The following ZFAT variants were observed in gnomAD, a reference collection of about 807,000 sequenced individuals.
ZFAT encodes the protein zinc finger protein ZFAT.
ZFAT carries 64 observed loss-of-function variants against 117.7 expected under a neutral mutation model. The observed-to-expected ratio is 0.54, with a 90% CI of 0.44 to 0.67. The LOEUF (loss-of-function observed/expected upper bound fraction) is 0.67, where lower values mean the gene tolerates loss of function less well. Ranked by LOEUF, ZFAT falls within the 30% of genes least tolerant of loss-of-function variation. The pLI is 0.00. For missense variants in ZFAT, 1,433 were observed against 1,584.5 expected (o/e 0.90, Z 1.62); for synonymous variants, 679 against 615.0 (o/e 1.10, Z -1.54).
At chr8:134,681,255 T>G (rs1451776412) in intron 1 of ZFAT, among the ~76,000 whole-genome samples, 1 of 151,966 alleles carries the variant, frequency 6.6e-6, no homozygotes, top group Non-Finnish European at 1.5e-5. Context: ...GTGGGGAGGT[T>G]TGGGGTCTGA....
intron 1 of ZFAT, among the ~76,000 whole-genome samples, chr8:134,690,531 T>A (rs906782930): frequency 6.6e-6 from 1 of 152,194 alleles, no homozygotes; most frequent in African/African-American, 2.4e-5. Flanking sequence ...TCAGTTATAT[T>A]GGGCTCAGTT....
intron 9 of ZFAT, among the ~76,000 whole-genome samples, chr8:134,587,286 T>C (rs1438518772): frequency 6.6e-6 from 1 of 152,184 alleles, no homozygotes; most frequent in East Asian, 1.9e-4. Flanking sequence ...GTGTTCATTA[T>C]ATGCTGGTAA....
intron 1 of ZFAT, chr8:134,696,685 A>C: frequency 1.5e-5 from 13 of 891,548 alleles, no homozygotes; most frequent in Non-Finnish European, 1.7e-5. Context: ...TGATTGGCCC[A>C]GAATGAGCAC....
chr8:134,538,960 G>C (rs1822048166), intron 11 of ZFAT, among the ~76,000 whole-genome samples: 1 of 152,098 alleles, frequency 6.6e-6, no homozygotes, highest in African/African-American at 2.4e-5. Flanking sequence ...TATGAGTATG[G>C]GTGACAGAGT....
At chr8:134,482,001 T>G (rs1817343095) in intron 15 of ZFAT, among the ~76,000 whole-genome samples, 1 of 152,060 alleles carries the variant, frequency 6.6e-6, no homozygotes, top group Non-Finnish European at 1.5e-5. Context: ...TTCCAGAGCG[T>G]TCTCTACCAT....
the ZFAT span, chr8:134,795,950 T>C: frequency 6.6e-6 from 1 of 152,108 alleles, no homozygotes; most frequent in Non-Finnish European, 1.5e-5. Flanking sequence ...GGGGTATTGA[T>C]TTCTGAACCT....
Position 134,478,777 on chromosome 8 carries a change from A to G in ZFAT, c.3493-56T>C. 6.6e-7 allele frequency: 1 copy of G among 1,520,612 alleles called. No individual in the cohort carries two copies. The highest frequency in any genetic ancestry group is 8.8e-7 in the Non-Finnish European group (1 of 1,133,370). The allele number at this position is 1,520,612 out of a possible 1,614,324, so 94.2% of individuals were successfully genotyped here. A position where few individuals can be genotyped will look rare whatever the true frequency, so the allele number is the denominator to read the frequency against. On this transcript the variant is annotated intron_variant, in intron 15 of 15. Coordinates refer to ENST00000377838, the MANE Select transcript of ZFAT (RefSeq NM_020863.4). The surrounding 1 kb of genome is among the most constrained non-coding windows in gnomAD (Gnocchi z 5.2). ...CAGCGCCTACTTCCCGGTCCAGCGT[A>G]ACAACAAAGTCACAACTACAGTTTA... is the stretch of plus-strand genomic sequence containing the variant.
chr8:134,677,631 A>G (rs1420252133), intron 1 of ZFAT, among the ~76,000 whole-genome samples: 1 of 152,200 alleles, frequency 6.6e-6, no homozygotes, highest in Admixed American at 6.5e-5. Context: ...CCTAGCAGAG[A>G]CAAAATAAAA....
At chr8:134,755,958 G>C in the ZFAT span, among the ~76,000 whole-genome samples, 1 of 152,096 alleles carries the variant, frequency 6.6e-6, no homozygotes, top group Non-Finnish European at 1.5e-5. Context: ...CTAGCACCTG[G>C]CACATGGTAA....
the ZFAT span, among the ~76,000 whole-genome samples, chr8:134,832,155 G>A: frequency 6.8e-6 from 1 of 147,308 alleles, no homozygotes; most frequent in South Asian, 2.2e-4. Context: ...GGGGGCAGGG[G>A]GCGCGGCGAG....
At chr8:134,499,855 G>A (rs1194307078) in intron 15 of ZFAT, among the ~76,000 whole-genome samples, 2 of 152,216 alleles carry the variant, frequency 1.3e-5, no homozygotes, top group African/African-American at 4.8e-5. Context: ...CAGGGCAGAC[G>A]TCCGGTGGGA....
intron 10 of ZFAT, among the ~76,000 whole-genome samples, chr8:134,578,988 G>A (rs543991237): frequency 3.9e-5 from 6 of 152,260 alleles, no homozygotes; most frequent in African/African-American, 9.6e-5. Flanking sequence ...TTCAAAGTTC[G>A]TAAAAATAAA....
At chr8:134,754,784 G>T in the ZFAT span, among the ~76,000 whole-genome samples, 1 of 152,172 alleles carries the variant, frequency 6.6e-6, no homozygotes, top group Non-Finnish European at 1.5e-5. Flanking sequence ...GGACTTGGGT[G>T]CTGGGTCAGG....
chr8:134,623,829 G>C (rs1829299863), intron 3 of ZFAT, among the ~76,000 whole-genome samples: 1 of 151,700 alleles, frequency 6.6e-6, no homozygotes, highest in African/African-American at 2.4e-5. Context: ...CGTCTCTGTA[G>C]CCTTCAACTC....
chr8:134,749,548 C>T, the ZFAT span, among the ~76,000 whole-genome samples: 1 of 152,120 alleles, frequency 6.6e-6, no homozygotes, highest in Non-Finnish European at 1.5e-5. Context: ...CCCAAAGGCC[C>T]CATCTTCCAA....
At chr8:134,806,582 A>G in the ZFAT span, among the ~76,000 whole-genome samples, 1 of 152,182 alleles carries the variant, frequency 6.6e-6, no homozygotes. Flanking sequence ...ACCAGTTACC[A>G]CAAGTCTCCA....
intron 11 of ZFAT, among the ~76,000 whole-genome samples, chr8:134,533,563 C>G (rs138001239): frequency 3.3e-5 from 5 of 152,240 alleles, no homozygotes; most frequent in African/African-American, 1.2e-4. Context: ...TTCAGTGATG[C>G]GTCACTGTAT....
chr8:134,542,201 C>T (rs781576994), intron 11 of ZFAT, among the ~76,000 whole-genome samples: 8 of 152,236 alleles, frequency 5.3e-5, no homozygotes, highest in Non-Finnish European at 1.0e-4. Flanking sequence ...AGCAGATTTC[C>T]CTCAGGCAGC....
chr8:134,815,881 A>G, the ZFAT span, among the ~76,000 whole-genome samples: 3 of 152,154 alleles, frequency 2.0e-5, no homozygotes, highest in Non-Finnish European at 4.4e-5. Flanking sequence ...GATTTTCTTT[A>G]CACTTCTTAC....
Sources: allele counts gnomAD v4.1 joint callset (sites outside exome capture counted in the v4.1 genomes callset), GRCh38; gene constraint gnomAD v4.1.1; non-coding constraint Gnocchi (gnomAD v3.1); transcripts MANE v1.5; gene names NCBI Gene and HGNC (gene_info 2026-07-23, HGNC 2026-07-21).